The following DLG2 variants were observed in gnomAD, a reference collection of about 807,000 sequenced individuals.
DLG2 encodes the protein discs large MAGUK scaffold protein 2, also known as disks large homolog 2.
In DLG2, 45 loss-of-function variants were observed where a neutral mutation model predicts 132.5. The observed-to-expected ratio is 0.34, with a 90% CI of 0.27 to 0.44. The LOEUF (loss-of-function observed/expected upper bound fraction) is 0.44. Among genes scored for constraint, DLG2 ranks in the 20% least tolerant of loss-of-function variants. DLG2 has a pLI of 1.00. For synonymous variants in DLG2, 424 were observed against 419.6 expected (o/e 1.01, Z -0.13); for missense variants, 1,045 against 1,196.9 (o/e 0.87, Z 1.87).
chr11:84,342,966 G>A (rs1188422714), intron 7 of DLG2, among the ~76,000 whole-genome samples: 3 of 152,116 alleles, frequency 2.0e-5, no homozygotes, highest in Non-Finnish European at 2.9e-5. Context: ...AGCGTCCCAG[G>A]CACCAGGGAT....
intron 6 of DLG2, among the ~76,000 whole-genome samples, chr11:85,007,254 A>G (rs1349079632): frequency 6.6e-6 from 1 of 152,168 alleles, no homozygotes; most frequent in African/African-American, 2.4e-5. Context: ...TTGTCAGGCA[A>G]TTGTGAAGAT....
At chr11:84,842,916 G>C (rs1201411308) in intron 6 of DLG2, among the ~76,000 whole-genome samples, 1 of 151,856 alleles carries the variant, frequency 6.6e-6, no homozygotes, top group Non-Finnish European at 1.5e-5. Context: ...AAAATTGGCC[G>C]AGTTATGTAA....
At chr11:83,623,188 T>C (rs912578474) in intron 19 of DLG2, among the ~76,000 whole-genome samples, 2 of 152,198 alleles carry the variant, frequency 1.3e-5, no homozygotes, top group African/African-American at 2.4e-5. Context: ...TCTTTTTTTT[T>C]CTGTTGTTGG....
chr11:84,621,601 T>G (rs2099614083), intron 6 of DLG2, among the ~76,000 whole-genome samples: 1 of 152,158 alleles, frequency 6.6e-6, no homozygotes. Context: ...AGGTCACCAA[T>G]AAGATTTTGG....
At chr11:84,782,250 T>C (rs2071943891) in intron 6 of DLG2, among the ~76,000 whole-genome samples, 1 of 152,120 alleles carries the variant, frequency 6.6e-6, no homozygotes, top group Non-Finnish European at 1.5e-5. Context: ...GAGAGAAATA[T>C]AACTTGATTA....
chr11:83,644,044 A>G (rs905051109), intron 18 of DLG2, among the ~76,000 whole-genome samples: 2 of 152,164 alleles, frequency 1.3e-5, no homozygotes, highest in Admixed American at 1.3e-4. Context: ...ATCAAAATGA[A>G]AAGGCTTTGT....
intron 18 of DLG2, among the ~76,000 whole-genome samples, chr11:83,743,580 C>T (rs2092700014): frequency 6.6e-6 from 1 of 151,854 alleles, no homozygotes; most frequent in Admixed American, 6.6e-5. Flanking sequence ...ACTACAGGTG[C>T]ATGCCAACAC....
intron 7 of DLG2, among the ~76,000 whole-genome samples, chr11:84,364,598 A>C (rs529385119): frequency 6.6e-6 from 1 of 152,266 alleles, no homozygotes; most frequent in East Asian, 1.9e-4. Flanking sequence ...CAGTTTTCAA[A>C]GGGAATGCTT....
chr11:85,395,965 G>C (rs1226564262), intron 3 of DLG2, among the ~76,000 whole-genome samples: 1 of 152,208 alleles, frequency 6.6e-6, no homozygotes, highest in Non-Finnish European at 1.5e-5. Context: ...GCCTCCTCAA[G>C]TGAGTCCCTG....
At chr11:83,851,410 A>C (rs551956663) in intron 16 of DLG2, among the ~76,000 whole-genome samples, 138 of 150,998 alleles carry the variant, frequency 9.1e-4, no homozygotes, top group South Asian at 2.9e-3. Flanking sequence ...GAATCACCTG[A>C]GGTCGGGAGT....
At chr11:84,623,557 G>T (rs1436915311) in intron 6 of DLG2, among the ~76,000 whole-genome samples, 1 of 152,146 alleles carries the variant, frequency 6.6e-6, no homozygotes, top group East Asian at 1.9e-4. Flanking sequence ...GAGGTTCAGT[G>T]ACTTAGTGTT....
At chr11:83,722,136 T>C (rs912450274) in intron 18 of DLG2, among the ~76,000 whole-genome samples, 1 of 152,182 alleles carries the variant, frequency 6.6e-6, no homozygotes, top group Non-Finnish European at 1.5e-5. Context: ...ATTTTACTAT[T>C]TTTTATTTCC....
intron 3 of DLG2, among the ~76,000 whole-genome samples, chr11:85,372,655 T>G (rs1257934183): frequency 1.3e-5 from 2 of 152,242 alleles, no homozygotes; most frequent in Admixed American, 1.3e-4. Context: ...TAGGGAACTC[T>G]AAGGCTACTA....
intron 3 of DLG2, among the ~76,000 whole-genome samples, chr11:85,482,283 G>A (rs898612273): frequency 3.9e-5 from 6 of 152,032 alleles, no homozygotes; most frequent in East Asian, 3.9e-4. Flanking sequence ...AGCTCCTATG[G>A]CCCCAGGCTT....
intron 3 of DLG2, among the ~76,000 whole-genome samples, chr11:85,415,513 C>T (rs1002204065): frequency 2.6e-5 from 4 of 152,144 alleles, no homozygotes; most frequent in African/African-American, 9.7e-5. Context: ...ACATCCTCTC[C>T]AGAATCTGTT....
At chr11:85,288,997 C>T (rs527354552) in intron 3 of DLG2, among the ~76,000 whole-genome samples, 18 of 152,122 alleles carry the variant, frequency 1.2e-4, no homozygotes, top group Admixed American at 2.0e-4. Flanking sequence ...ACCCTAGGGA[C>T]AATATTTTTA....
At chr11:85,459,754 G>A (rs1265549431) in intron 3 of DLG2, among the ~76,000 whole-genome samples, 1 of 152,070 alleles carries the variant, frequency 6.6e-6, no homozygotes, top group African/African-American at 2.4e-5. Flanking sequence ...GAGGGGTTGT[G>A]GGCTGTCTCT....
chr11:84,204,690 T>C (rs1383404184), intron 8 of DLG2, among the ~76,000 whole-genome samples: 3 of 152,174 alleles, frequency 2.0e-5, no homozygotes, highest in African/African-American at 7.2e-5. Flanking sequence ...TGCTTGCCAT[T>C]GATATACTTT....
At position 84,794,871 on chromosome 11, in the gene DLG2, G is replaced by A. The variant is rs73514927; in HGVS notation, c.358-260140C>T. 5.1e-3 allele frequency among the ~76,000 whole-genome samples: 781 copies of A among 152,340 alleles called. 8 individuals carry two copies. Among genetic ancestry groups the A allele is most frequent in the African/African-American group, 0.018 (751 of 41,580 alleles). Reference sequence around the variant, plus strand: ...GGATGCCGAGGTGGGGCTGAGGGCAGCTCGGCAAGAGCCTGCAGGCACCGC... The same window carrying A: ...GGATGCCGAGGTGGGGCTGAGGGCAACTCGGCAAGAGCCTGCAGGCACCGC... On this transcript the variant is annotated intron_variant, in intron 6 of 27. Coordinates refer to ENST00000376104, the MANE Select transcript of DLG2 (RefSeq NM_001142699.3).
Sources: allele counts gnomAD v4.1 joint callset (sites outside exome capture counted in the v4.1 genomes callset), GRCh38; gene constraint gnomAD v4.1.1; transcripts MANE v1.5; gene names NCBI Gene and HGNC (gene_info 2026-07-23, HGNC 2026-07-21).